WDR7: variants seen among roughly 807,000 people sequenced by gnomAD.
The protein encoded by WDR7 is WD repeat domain 7.
In WDR7, 46 loss-of-function variants were observed where a neutral mutation model predicts 169.4. The ratio of observed to expected loss-of-function variants is 0.27; its 90% CI spans 0.21 to 0.35. WDR7 has a LOEUF of 0.35. Ranked by LOEUF, WDR7 falls within the 10% of genes least tolerant of loss-of-function variation. The pLI is 1.00. For missense variants in WDR7, 1,534 were observed against 1,859.3 expected (o/e 0.83, Z 3.22); for synonymous variants, 612 against 666.8 (o/e 0.92, Z 1.27).
chr18:56,969,758 C>A (rs1477004861), intron 26 of WDR7, among the ~76,000 whole-genome samples: 1 of 152,212 alleles, frequency 6.6e-6, no homozygotes, highest in Admixed American at 6.5e-5. Context: ...ACACAGCCCT[C>A]TCAGGCTCTT....
chr18:56,682,827 G>A lies in WDR7; in HGVS notation c.494G>A (p.Ser165Asn). Residue 165 changes from serine to asparagine, a missense_variant, in exon 5 of 28, where the codon AGT becomes AAT. Coordinates refer to ENST00000254442, the MANE Select transcript of WDR7 (RefSeq NM_015285.3). ...TCACCAGACTGGATTAGCTCCATGA[G>A]TATTATTCGATCCCACCGAACACAA... ...KISPDWISSMSIIRSHRTQED... is the reference protein window; with the variant it reads ...KISPDWISSMNIIRSHRTQED... 6.2e-7 allele frequency: 1 copy of A among 1,613,630 alleles called. No individual in the cohort carries two copies. Among genetic ancestry groups the A allele is most frequent in the Non-Finnish European group, 8.5e-7 (1 of 1,179,700 alleles).
chr18:56,736,039 A>T (rs2026691641), intron 14 of WDR7, among the ~76,000 whole-genome samples: 2 of 152,168 alleles, frequency 1.3e-5, no homozygotes, highest in Admixed American at 6.5e-5. Flanking sequence ...GGTTCTGGTG[A>T]CAGGCATGTC....
chr18:56,774,290 T>C (rs1012192050), intron 16 of WDR7, among the ~76,000 whole-genome samples: 3 of 152,128 alleles, frequency 2.0e-5, no homozygotes, highest in African/African-American at 4.8e-5. Context: ...AGGGATGTTA[T>C]AATATTGGAT....
intron 20 of WDR7, among the ~76,000 whole-genome samples, chr18:56,834,191 C>T (rs1365834113): frequency 1.3e-5 from 2 of 152,188 alleles, no homozygotes; most frequent in Non-Finnish European, 2.9e-5. Flanking sequence ...AACAATCTCT[C>T]TACTAGGTGC....
intron 26 of WDR7, among the ~76,000 whole-genome samples, chr18:56,980,396 G>A (rs2047624940): frequency 6.6e-6 from 1 of 152,178 alleles, no homozygotes; most frequent in Admixed American, 6.5e-5. Flanking sequence ...GACATATGGA[G>A]TGTGATTTTA....
In WDR7 at chr18:56,666,487, C is replaced by T. The variant is rs567168510; in HGVS notation, c.-19-6010C>T. ...AAAGTGCTGGGATTACAGGCATGAG[C>T]CACTGCGCCCGGCCTCATCTTCATT... On this transcript the variant is annotated intron_variant, in intron 1 of 27. Transcript: ENST00000254442. 8.5e-5 allele frequency among the ~76,000 whole-genome samples: 13 copies of T among 152,220 alleles called. No homozygotes were observed. In the South Asian group the frequency reaches 2.5e-3, roughly 29 times the overall value.
At chr18:56,952,052 C>T (rs1028579825) in intron 25 of WDR7, among the ~76,000 whole-genome samples, 5 of 152,080 alleles carry the variant, frequency 3.3e-5, no homozygotes, top group South Asian at 2.1e-4. Context: ...TTATCTTATC[C>T]GCTTCCACCT....
At position 56,757,249 on chromosome 18, in the gene WDR7, G is replaced by A. The variant is rs748073321; in HGVS notation, c.2656G>A (p.Val886Ile). The change falls in exon 15 of 28, where the codon GTC (valine) becomes ATC (isoleucine). Residue 886 changes from valine to isoleucine, a missense_variant. Physicochemically the swap from Val to Ile is conservative, Grantham distance 29. Coordinates refer to ENST00000254442, the MANE Select transcript of WDR7 (RefSeq NM_015285.3). ...GKGTYGVSRA[V>I]TTQHLLSIIS... Reference sequence around the variant, plus strand: ...GGGAACTTACGGAGTGTCCCGTGCCGTCACCACACAGCATCTCCTGTCTAT... The same window carrying A: ...GGGAACTTACGGAGTGTCCCGTGCCATCACCACACAGCATCTCCTGTCTAT... 17 of 1,613,970 alleles carry A rather than the reference G, an allele frequency of 1.1e-5. No individual in the cohort carries two copies. Among genetic ancestry groups the A allele is most frequent in the South Asian group, 3.3e-5 (3 of 91,076 alleles).
At chr18:57,033,624 G>A (rs756821400), downstream of WDR7, 1 of 152,252 alleles carries the variant, frequency 6.6e-6, no homozygotes, top group Middle Eastern at 3.4e-3. Flanking sequence ...CCTACTCCTG[G>A]ATTCTACTGT....
At chr18:56,844,219 G>T (rs1478192161) in intron 20 of WDR7, among the ~76,000 whole-genome samples, 2 of 151,748 alleles carry the variant, frequency 1.3e-5, no homozygotes, top group African/African-American at 4.8e-5. Flanking sequence ...AAGTTATATA[G>T]GTATCTCATT....
At chr18:56,681,606 G>A (rs936530634) in intron 4 of WDR7, among the ~76,000 whole-genome samples, 3 of 152,164 alleles carry the variant, frequency 2.0e-5, no homozygotes, top group Non-Finnish European at 4.4e-5. Flanking sequence ...AAAGATACAG[G>A]GCAAGCAAAT....
At chr18:56,888,611 A>C (rs2046227633) in intron 21 of WDR7, among the ~76,000 whole-genome samples, 1 of 152,134 alleles carries the variant, frequency 6.6e-6, no homozygotes, top group South Asian at 2.1e-4. Context: ...CAACCCACAA[A>C]TGAGGCATTA....
intron 21 of WDR7, among the ~76,000 whole-genome samples, chr18:56,897,115 T>C (rs1421058750): frequency 2.0e-5 from 3 of 151,902 alleles, no homozygotes; most frequent in Non-Finnish European, 4.4e-5. Flanking sequence ...TACTATAATA[T>C]TTTACCTTCC....
At chr18:56,913,934 CGGTCTA>C (rs2046587834) in intron 21 of WDR7, among the ~76,000 whole-genome samples, 1 of 152,190 alleles carries the variant, frequency 6.6e-6, no homozygotes, top group African/African-American at 2.4e-5. Context: ...TGCCCCACTA[CGGTCTA>C]TTCCATACAC....
chr18:56,677,898 T>A (rs2025275733), intron 2 of WDR7, among the ~76,000 whole-genome samples: 1 of 152,196 alleles, frequency 6.6e-6, no homozygotes, highest in Admixed American at 6.5e-5. Flanking sequence ...CTCATATATT[T>A]GCCCTTTTGA....
At chr18:56,925,240 T>C (rs1458846004) in intron 22 of WDR7, among the ~76,000 whole-genome samples, 2 of 152,204 alleles carry the variant, frequency 1.3e-5, no homozygotes, top group East Asian at 3.9e-4. Context: ...CTATAAACAT[T>C]TGTGCATAAG....
At chr18:56,811,503 C>A (rs1431053338) in intron 19 of WDR7, among the ~76,000 whole-genome samples, 3 of 152,080 alleles carry the variant, frequency 2.0e-5, no homozygotes, top group Non-Finnish European at 2.9e-5. Context: ...TTTAATGAAG[C>A]CCACTTTGCC....
At chr18:56,776,711 A>T in intron 16 of WDR7, 71 bp from the exon 17 acceptor site, 1 of 1,351,294 alleles carries the variant, frequency 7.4e-7, no homozygotes, top group Non-Finnish European at 1.1e-6. Context: ...CTTCACTAAT[A>T]CTAAGCTTTT....
At chr18:56,931,175 G>A (rs963762406) in intron 22 of WDR7, among the ~76,000 whole-genome samples, 4 of 151,980 alleles carry the variant, frequency 2.6e-5, no homozygotes, top group Non-Finnish European at 4.4e-5. Flanking sequence ...GTAAACCTGT[G>A]TAACGGGTGA....
Sources: gnomAD v4.1 joint callset for allele counts (sites outside exome capture counted in the v4.1 genomes callset) on GRCh38, gnomAD v4.1.1 for gene constraint, MANE v1.5 for transcripts, NCBI Gene and HGNC (gene_info 2026-07-23, HGNC 2026-07-21) for gene names.